The following SGPL1 variants were observed in gnomAD, a reference collection of about 807,000 sequenced individuals.
The protein encoded by SGPL1 is SP-lyase 1.
A neutral mutation model predicts 68.9 loss-of-function variants in SGPL1; 37 were observed. The observed-to-expected ratio is 0.54, with a 90% CI of 0.41 to 0.71. SGPL1 has a LOEUF of 0.71. Ranked by LOEUF, SGPL1 falls within the 30% of genes least tolerant of loss-of-function variation. The pLI, the probability that SGPL1 is intolerant of heterozygous loss-of-function variation, is 0.00. For synonymous variants in SGPL1, 236 were observed against 248.5 expected, an observed-to-expected ratio of 0.95 and a Z score of 0.47; for missense variants, 551 against 704.6, an observed-to-expected ratio of 0.78 and a Z score of 2.47.
At chr10:70,824,977 T>TC (rs1182182647) in intron 2 of SGPL1, among the ~76,000 whole-genome samples, 1 of 151,302 alleles carries the variant, frequency 6.6e-6, no homozygotes, top group African/African-American at 2.4e-5. Context: ...TCTTTTTTTT[T>TC]TTTTTTGAGA....
intron 7 of SGPL1, among the ~76,000 whole-genome samples, chr10:70,862,482 A>C (rs1485577673): frequency 6.6e-6 from 1 of 152,174 alleles, no homozygotes; most frequent in African/African-American, 2.4e-5. Flanking sequence ...AGGCTGCCAG[A>C]GCAAGCAGTG....
chr10:70,875,464 G>A lies in SGPL1; in HGVS notation c.1361G>A (p.Gly454Glu). 6.2e-7 allele frequency: 1 copy of A among 1,612,848 alleles called. No homozygotes were observed. The highest frequency in any genetic ancestry group is 8.5e-7 in the Non-Finnish European group (1 of 1,178,902). ...CCCCAATTGTCAGTCATTGCTCTGG[G>A]ATCCCGTGATTTTGACATCTACCGA... Reference protein sequence around the residue: ...GNPQLSVIALGSRDFDIYRLS... With the variant: ...GNPQLSVIALESRDFDIYRLS... Residue 454 changes from glycine to glutamate, a missense_variant, in exon 13 of 15, where the codon GGA (glycine) becomes GAA (glutamate). By Grantham distance (98) the Gly-to-Glu change is moderately conservative (BLOSUM62 -2). Coordinates refer to ENST00000373202, the MANE Select transcript of SGPL1 (RefSeq NM_003901.4).
intron 2 of SGPL1, among the ~76,000 whole-genome samples, chr10:70,832,571 A>T (rs1001512172): frequency 1.3e-5 from 2 of 152,218 alleles, no homozygotes; most frequent in East Asian, 3.8e-4. Context: ...TCTGTGTGAG[A>T]AATACGGGAT....
rs866446166 is a variant in SGPL1 at position 70,861,655 on chromosome 10, G to C, written c.615+2156G>C. Among the ~76,000 whole-genome samples, 5 of 152,228 alleles carry C rather than the reference G, an allele frequency of 3.3e-5. No homozygotes were observed. In the South Asian group the frequency reaches 8.3e-4, roughly 25 times the overall value. On this transcript the variant is annotated intron_variant, in intron 7 of 14. Transcript: ENST00000373202. ...GGGAGGTGTGGAGGGAGAGGCGTGA[G>C]CCGGAACCAGGGCTGCGCGCAGCGC... is the stretch of plus-strand genomic sequence containing the variant.
chr10:70,864,517 T>G (rs1486398821), intron 7 of SGPL1, among the ~76,000 whole-genome samples: 3 of 152,322 alleles, frequency 2.0e-5, no homozygotes, highest in African/African-American at 4.8e-5. Flanking sequence ...ACTGGCTTTG[T>G]TTTTTTAGGT....
chr10:70,847,209 A>G (rs1041541186), intron 3 of SGPL1, among the ~76,000 whole-genome samples: 2 of 152,002 alleles, frequency 1.3e-5, no homozygotes, highest in African/African-American at 4.8e-5. Context: ...GTTCAGTGGC[A>G]TGATCTTGGC....
chr10:70,871,626 T>TA (rs567955545), intron 10 of SGPL1, among the ~76,000 whole-genome samples: 174 of 152,328 alleles, frequency 1.1e-3, no homozygotes, highest in African/African-American at 3.8e-3. Flanking sequence ...ATAAAATTGA[T>TA]ACCATATTTC....
chr10:70,872,618 TC>T (rs1308425124), intron 11 of SGPL1, among the ~76,000 whole-genome samples: 1 of 152,204 alleles, frequency 6.6e-6, no homozygotes, highest in Non-Finnish European at 1.5e-5. Flanking sequence ...GATTGCATTT[TC>T]AGAGCTTGTT....
At chr10:70,841,744 G>T (rs1427308234) in intron 2 of SGPL1, among the ~76,000 whole-genome samples, 5 of 152,134 alleles carry the variant, frequency 3.3e-5, no homozygotes, top group African/African-American at 1.2e-4. Context: ...TTGAGTATCT[G>T]TCCTTTTTCT....
At chr10:70,852,441 AG>A (rs1845898551) in intron 4 of SGPL1, among the ~76,000 whole-genome samples, 1 of 152,206 alleles carries the variant, frequency 6.6e-6, no homozygotes, top group African/African-American at 2.4e-5. Context: ...ACAGAGTATA[AG>A]GGGTGGGGAC....
intron 2 of SGPL1, among the ~76,000 whole-genome samples, chr10:70,833,727 C>T (rs1250920884): frequency 6.6e-6 from 1 of 152,150 alleles, no homozygotes; most frequent in African/African-American, 2.4e-5. Flanking sequence ...ATTTTAACTT[C>T]ACTCCCTAGG....
In SGPL1 at chr10:70,835,053, G is replaced by A. The variant is rs557573746; in HGVS notation, c.28-9420G>A. 4.6e-5 allele frequency among the ~76,000 whole-genome samples: 7 copies of A among 152,304 alleles called. No homozygotes were observed. In the South Asian group the frequency reaches 1.2e-3, roughly 27 times the overall value. On this transcript the variant is annotated intron_variant, in intron 2 of 14. Transcript: ENST00000373202. The stretch of plus-strand genomic sequence containing the variant: ...TCTGCAGATTCAACCCACTGCCACT[G>A]TGTCTTGTTAAGCTTAAATAGGAGA...
chr10:70,820,599 ACT>A (rs947627984), intron 2 of SGPL1: 1 of 151,994 alleles, frequency 6.6e-6, no homozygotes, highest in Non-Finnish European at 1.5e-5. Context: ...ACATGGCGAA[ACT>A]CTGTCTCTAC....
intron 2 of SGPL1, chr10:70,820,441 A>G (rs1845318321): frequency 6.6e-6 from 1 of 152,122 alleles, no homozygotes; most frequent in Non-Finnish European, 1.5e-5. Context: ...CTTCTAGTGT[A>G]GTCTGAAAAT....
intron 2 of SGPL1, among the ~76,000 whole-genome samples, chr10:70,841,615 C>A (rs1433340678): frequency 2.0e-5 from 3 of 152,148 alleles, no homozygotes; most frequent in Non-Finnish European, 4.4e-5. Flanking sequence ...TCTAATGACC[C>A]CCCAAAGGCT....
intron 3 of SGPL1, among the ~76,000 whole-genome samples, chr10:70,850,180 A>C (rs1430070539): frequency 6.6e-6 from 1 of 152,054 alleles, no homozygotes; most frequent in Non-Finnish European, 1.5e-5. Context: ...GATTTTTCAA[A>C]CTTTTTTTTC....
intron 10 of SGPL1, 86 bp from the exon 11 acceptor site, chr10:70,871,751 T>C (rs1180342805): frequency 1.5e-6 from 2 of 1,299,744 alleles, no homozygotes; most frequent in Non-Finnish European, 2.1e-6. Flanking sequence ...CTTGTGTTTA[T>C]AGCCCATCTT....
intron 2 of SGPL1, among the ~76,000 whole-genome samples, chr10:70,841,911 C>T (rs1286735003): frequency 1.3e-5 from 2 of 152,128 alleles, no homozygotes; most frequent in Non-Finnish European, 2.9e-5. Flanking sequence ...TAACTGTTAA[C>T]ATCATAGTTA....
At chr10:70,865,108 A>G (rs956116529) in intron 7 of SGPL1, among the ~76,000 whole-genome samples, 1 of 152,250 alleles carries the variant, frequency 6.6e-6, no homozygotes, top group Non-Finnish European at 1.5e-5. Context: ...ATTTGGGGGT[A>G]TAAAGGAAAA....
Sources: gnomAD v4.1 joint callset for allele counts (sites outside exome capture counted in the v4.1 genomes callset) on GRCh38, gnomAD v4.1.1 for gene constraint, MANE v1.5 for transcripts, NCBI Gene and HGNC (gene_info 2026-07-23, HGNC 2026-07-21) for gene names.